MAPK10: variants seen among roughly 807,000 people sequenced by gnomAD.
MAPK10 encodes JNK3 alpha protein kinase.
MAPK10 carries 25 observed loss-of-function variants against 59.3 expected under a neutral mutation model. The observed-to-expected ratio is 0.42, with a 90% CI of 0.31 to 0.59. The LOEUF is 0.59. Ranked by LOEUF, MAPK10 falls within the 20% of genes least tolerant of loss-of-function variation. MAPK10 has a pLI of 0.15. For synonymous variants in MAPK10, 190 were observed against 200.5 expected, an observed-to-expected ratio of 0.95 and a Z score of 0.44; for missense variants, 351 against 568.9, an observed-to-expected ratio of 0.62 and a Z score of 3.90.
intron 9 of MAPK10, among the ~76,000 whole-genome samples, chr4:86,071,207 T>A (rs1319317165): frequency 1.3e-5 from 2 of 152,254 alleles, no homozygotes; most frequent in Non-Finnish European, 2.9e-5. Flanking sequence ...GAAGTCTCTG[T>A]TGATGACCTT....
chr4:86,164,952 G>A (rs984617106), intron 3 of MAPK10, among the ~76,000 whole-genome samples: 6 of 152,232 alleles, frequency 3.9e-5, no homozygotes, highest in African/African-American at 1.2e-4. Flanking sequence ...ATTCATGGAT[G>A]CCAAGAAATT....
intron 3 of MAPK10, among the ~76,000 whole-genome samples, chr4:86,169,155 G>A (rs9715449): frequency 0.084 from 12,840 of 152,096 alleles, 1,191 homozygotes; most frequent in African/African-American, 0.23. Context: ...AAAGCAGAGC[G>A]ACTCTCCTCC....
intron 1 of MAPK10, among the ~76,000 whole-genome samples, chr4:86,396,260 T>C (rs1742922332): frequency 6.6e-6 from 1 of 152,042 alleles, no homozygotes; most frequent in Non-Finnish European, 1.5e-5. Flanking sequence ...GGCAGGAGAA[T>C]GGCGCGAACC....
intron 10 of MAPK10, chr4:86,065,005 A>G (rs547830272): frequency 3.9e-5 from 6 of 152,184 alleles, no homozygotes; most frequent in African/African-American, 1.2e-4. Context: ...CCTGCGCTCA[A>G]AGGATCCTCC....
intron 10 of MAPK10, 117 bp from the exon 11 acceptor site, chr4:86,064,507 GTAA>G: frequency 2.1e-6 from 2 of 943,298 alleles, no homozygotes; most frequent in Non-Finnish European, 3.3e-6. Context: ...CAAACATCAG[GTAA>G]ATCCCTTGAT....
chr4:86,286,932 G>A (rs1319137283), intron 2 of MAPK10, among the ~76,000 whole-genome samples: 1 of 152,184 alleles, frequency 6.6e-6, no homozygotes, highest in East Asian at 1.9e-4. Flanking sequence ...TAGAGAGCAT[G>A]TTTGAGCCTG....
chr4:86,517,103 TGA>T (rs143299298), intron 1 of MAPK10, among the ~76,000 whole-genome samples: 1,618 of 152,246 alleles, frequency 0.011, 36 homozygotes, highest in African/African-American at 0.037. Flanking sequence ...CTGATTTTGC[TGA>T]GAGTTTTAAT....
intron 1 of MAPK10, among the ~76,000 whole-genome samples, chr4:86,450,279 T>G (rs1418177461): frequency 1.3e-5 from 2 of 152,166 alleles, no homozygotes; most frequent in Non-Finnish European, 2.9e-5. Context: ...TATTATACAG[T>G]TTAATTATCT....
intron 2 of MAPK10, chr4:86,326,488 A>T (rs895310768): frequency 2.2e-4 from 33 of 152,258 alleles, no homozygotes; most frequent in African/African-American, 7.9e-4. Flanking sequence ...GGTGTAGAGG[A>T]GATTTAATGG....
chr4:86,315,113 A>T (rs1474130617), intron 2 of MAPK10, among the ~76,000 whole-genome samples: 1 of 152,126 alleles, frequency 6.6e-6, no homozygotes, highest in Non-Finnish European at 1.5e-5. Flanking sequence ...ATGGAACTGG[A>T]GGTCATTATG....
chr4:86,485,660 T>A (rs772547917), intron 1 of MAPK10, among the ~76,000 whole-genome samples: 2 of 152,224 alleles, frequency 1.3e-5, no homozygotes, highest in Non-Finnish European at 2.9e-5. Flanking sequence ...GTAGATGGTA[T>A]AGACTGAACT....
chr4:86,225,526 C>T (rs12498980), intron 2 of MAPK10, among the ~76,000 whole-genome samples: 12,971 of 152,096 alleles, frequency 0.085, 1,225 homozygotes, highest in African/African-American at 0.23. Context: ...TAATTCACTT[C>T]GCAGCCTTTC....
chr4:86,382,350 T>G (rs1740859692), intron 1 of MAPK10, among the ~76,000 whole-genome samples: 1 of 152,148 alleles, frequency 6.6e-6, no homozygotes, highest in Non-Finnish European at 1.5e-5. Flanking sequence ...TGGAACCTTC[T>G]CAGAGCACCC....
intron 1 of MAPK10, among the ~76,000 whole-genome samples, chr4:86,408,663 A>AT (rs558960242): frequency 0.01 from 1,537 of 152,186 alleles, 15 homozygotes; most frequent in African/African-American, 0.027. Context: ...GATAATGAGC[A>AT]TTTTTTCATG....
Position 86,064,266 on chromosome 4 carries a change from C to G in MAPK10, c.1110G>C (p.Ala370=), listed in dbSNP as rs1290889813. 1 of 1,613,634 alleles carries G rather than the reference C, an allele frequency of 6.2e-7. No individual in the cohort carries two copies. Among genetic ancestry groups the G allele is most frequent in the Non-Finnish European group, 8.5e-7 (1 of 1,179,814 alleles). Reference sequence around the variant, plus strand: ...AAAGTAAAGGCAGCCTATTTCTTACCGCCTCCACTTCGGCTGGGTCATACC... The same window carrying G: ...AAAGTAAAGGCAGCCTATTTCTTACGGCCTCCACTTCGGCTGGGTCATACC... ...NVWYDPAEVE[A]PPPQIYDKQL... Residue 370 remains alanine (A), a splice_region_variant and synonymous_variant, in exon 11 of 14, where the codon GCG becomes GCC. Coordinates refer to ENST00000641462, the MANE Select transcript of MAPK10 (RefSeq NM_138982.4).
chr4:86,209,785 T>A (rs1211179534), intron 2 of MAPK10, among the ~76,000 whole-genome samples: 1 of 151,378 alleles, frequency 6.6e-6, no homozygotes, highest in Non-Finnish European at 1.5e-5. Context: ...ATCCTAAATG[T>A]ATATGGAGCC....
intron 4 of MAPK10, among the ~76,000 whole-genome samples, chr4:86,129,866 T>A (rs2060696645): frequency 6.6e-6 from 1 of 152,182 alleles, no homozygotes; most frequent in South Asian, 2.1e-4. Flanking sequence ...CACTCTTTTG[T>A]GATGCAGCTT....
chr4:86,537,299 T>C (rs1371372243), intron 1 of MAPK10, among the ~76,000 whole-genome samples: 2 of 152,216 alleles, frequency 1.3e-5, no homozygotes, highest in East Asian at 3.8e-4. Context: ...ATGGCAACTA[T>C]AGGCATCAGT....
intron 2 of MAPK10, among the ~76,000 whole-genome samples, chr4:86,228,548 G>T (rs2091040391): frequency 1.3e-5 from 2 of 152,056 alleles, no homozygotes; most frequent in African/African-American, 4.8e-5. Flanking sequence ...CAGAAGCCTT[G>T]CCAGATCACT....
Sources: gnomAD v4.1 joint callset for allele counts (sites outside exome capture counted in the v4.1 genomes callset) on GRCh38, gnomAD v4.1.1 for gene constraint, MANE v1.5 for transcripts, NCBI Gene and HGNC (gene_info 2026-07-23, HGNC 2026-07-21) for gene names.